Variants in HMGB1 observed in about 807,000 individuals in gnomAD.
The protein encoded by HMGB1 is high mobility group box 1, also known as high mobility group protein B1.
For missense variants in HMGB1, 79 were observed against 253.5 expected (o/e 0.31, Z 4.67); for synonymous variants, 81 against 84.0 (o/e 0.96, Z 0.19).
At chr13:30,463,185 T>G in intron 3 of HMGB1, 22 bp downstream of exon 3, 1 of 1,598,030 alleles carries the variant, frequency 6.3e-7, no homozygotes, top group South Asian at 1.1e-5. Context: ...GTCTGGGAAG[T>G]AAAAACAGGC....
At chr13:30,475,809 A>G (rs1004880906) in intron 1 of HMGB1, among the ~76,000 whole-genome samples, 1 of 152,196 alleles carries the variant, frequency 6.6e-6, no homozygotes, top group African/African-American at 2.4e-5. Flanking sequence ...TTGGGTTCAC[A>G]TTTCCACATG....
At chr13:30,500,666 T>C (rs548539297) in intron 1 of HMGB1, among the ~76,000 whole-genome samples, 10 of 151,762 alleles carry the variant, frequency 6.6e-5, no homozygotes, top group Non-Finnish European at 1.3e-4. Flanking sequence ...CTCAGCCTCC[T>C]GAGTAGCTGG....
chr13:30,579,365 T>C (rs1276196056), intron 1 of HMGB1, among the ~76,000 whole-genome samples: 4 of 152,226 alleles, frequency 2.6e-5, no homozygotes, highest in Admixed American at 2.0e-4. Flanking sequence ...ACCTGTATAT[T>C]GGACTGGAAT....
At chr13:30,475,223 C>G (rs1430937672) in intron 1 of HMGB1, among the ~76,000 whole-genome samples, 1 of 83,784 alleles carries the variant, frequency 1.2e-5, no homozygotes, top group Non-Finnish European at 2.4e-5. Flanking sequence ...CTCTCTCTCT[C>G]TCTTTTTTTT....
rs752347417 is a variant in HMGB1 at position 30,461,462 on chromosome 13, G to A, written c.543C>T (p.Ser181=). The change falls in exon 5 of 5, where the codon AGC becomes AGT. Residue 181 remains serine (S), a synonymous_variant. Transcript: ENST00000341423. ...CTTCCTCCTCTTCCTTCTTTTTCTT[G>A]CTTTTTTCAGCCTTGACAACTCCCT... is the stretch of plus-strand genomic sequence containing the variant. ...AKKGVVKAEK[S]KKKKEEEEDE... The A allele has an allele frequency of 1.9e-6, 3 of 1,546,688 alleles. No homozygotes were observed. The African/African-American group carries it at 4.2e-5, about 22-fold the overall frequency.
At chr13:30,523,723 A>G (rs1386730086) in intron 1 of HMGB1, among the ~76,000 whole-genome samples, 2 of 142,804 alleles carry the variant, frequency 1.4e-5, no homozygotes, top group African/African-American at 2.6e-5. Context: ...TTCATTTGGC[A>G]TTTGTTTTTG....
intron 1 of HMGB1, among the ~76,000 whole-genome samples, chr13:30,495,522 A>T (rs1253416911): frequency 7.0e-6 from 1 of 141,996 alleles, no homozygotes; most frequent in Non-Finnish European, 1.5e-5. Flanking sequence ...TCTGTCGCCC[A>T]GGCTGGAGTG....
chr13:30,568,141 G>T (rs138773467), intron 1 of HMGB1, among the ~76,000 whole-genome samples: 2 of 152,096 alleles, frequency 1.3e-5, no homozygotes, highest in African/African-American at 4.8e-5. Flanking sequence ...CTAGTGTGTA[G>T]TGGGCCAAAT....
intron 1 of HMGB1, among the ~76,000 whole-genome samples, chr13:30,538,501 T>TC (rs1491286839): frequency 5.3e-5 from 7 of 132,056 alleles, no homozygotes; most frequent in South Asian, 2.3e-4. Context: ...TTTCTTTCTT[T>TC]CTTTCTTTCC....
At chr13:30,499,881 C>CT (rs1887695860) in intron 1 of HMGB1, among the ~76,000 whole-genome samples, 1 of 152,214 alleles carries the variant, frequency 6.6e-6, no homozygotes, top group Admixed American at 6.5e-5. Flanking sequence ...TGAAGCCTGT[C>CT]TGTCAATCAT....
chr13:30,513,532 C>T lies in HMGB1; in HGVS notation c.-14-49838G>A, dbSNP rs142799115. Among the ~76,000 whole-genome samples, 244 of 152,338 alleles carry T rather than the reference C, an allele frequency of 1.6e-3. 1 individual carries two copies. Among genetic ancestry groups the T allele is most frequent in the African/African-American group, 5.7e-3 (238 of 41,578 alleles). Reference sequence around the variant, plus strand: ...TAAGGTAGTGGGAACTTAAATACAACAGTGCTGAAATCATTCCAGAGCACT... The same window carrying T: ...TAAGGTAGTGGGAACTTAAATACAATAGTGCTGAAATCATTCCAGAGCACT... On this transcript the variant is annotated intron_variant, in intron 1 of 4. Transcript: ENST00000405805.
chr13:30,594,277 T>C (rs1397028509), intron 1 of HMGB1, among the ~76,000 whole-genome samples: 2 of 152,238 alleles, frequency 1.3e-5, no homozygotes, highest in East Asian at 1.9e-4. Context: ...CTTGGGTATA[T>C]TGTGTGAAGC....
chr13:30,609,834 A>G (rs1167014920), intron 1 of HMGB1, among the ~76,000 whole-genome samples: 1 of 152,224 alleles, frequency 6.6e-6, no homozygotes, highest in Non-Finnish European at 1.5e-5. Flanking sequence ...AAGTGAGAAC[A>G]TACCATTTTT....
At chr13:30,465,985 T>C (rs528820914), upstream of HMGB1, 1 of 985,148 alleles carries the variant, frequency 1.0e-6, no homozygotes, top group South Asian at 4.7e-5. Flanking sequence ...CTCACGGGGC[T>C]CGCTCATTGG....
At chr13:30,537,981 A>G (rs1482126725) in intron 1 of HMGB1, among the ~76,000 whole-genome samples, 2 of 152,130 alleles carry the variant, frequency 1.3e-5, no homozygotes, top group Non-Finnish European at 2.9e-5. Flanking sequence ...ATACAGTTAT[A>G]CCCAAACTTT....
chr13:30,538,565 TC>T (rs1868626308), intron 1 of HMGB1, among the ~76,000 whole-genome samples: 7 of 105,714 alleles, frequency 6.6e-5, no homozygotes, highest in African/African-American at 2.6e-4. Flanking sequence ...TTTTCTTTCT[TC>T]TTTTTCTTTC....
intron 1 of HMGB1, among the ~76,000 whole-genome samples, chr13:30,544,300 G>A (rs924508082): frequency 6.6e-5 from 10 of 152,196 alleles, no homozygotes; most frequent in South Asian, 2.1e-4. Flanking sequence ...CCCTAGGAAC[G>A]GCCAGACCAA....
chr13:30,458,877 G>A lies in HMGB1; in HGVS notation c.*2480C>T, dbSNP rs370454972. 2.0e-5 allele frequency: 3 copies of A among 152,302 alleles called. No homozygotes were observed. The highest frequency in any genetic ancestry group is 7.2e-5 in the African/African-American group (3 of 41,558). 9.4% of individuals were successfully genotyped at this position (152,302 alleles called of 1,614,324 possible). A position where few individuals can be genotyped will look rare whatever the true frequency, so the allele number is the denominator to read the frequency against. On this transcript the variant is annotated 3_prime_UTR_variant, in exon 5 of 5. Transcript: ENST00000341423. ...CTGTGATGGGACGATCATCAGAACTGTGGTAACTAATCAGCAATAGCTCTC... is the reference window on the plus strand; with the variant it reads ...CTGTGATGGGACGATCATCAGAACTATGGTAACTAATCAGCAATAGCTCTC...
intron 1 of HMGB1, among the ~76,000 whole-genome samples, chr13:30,550,891 CA>C (rs1481190048): frequency 6.6e-5 from 10 of 152,102 alleles, no homozygotes; most frequent in Admixed American, 6.5e-4. Flanking sequence ...TGGTGGAAGA[CA>C]AAACTGATTC....
Sources: allele counts gnomAD v4.1 joint callset (sites outside exome capture counted in the v4.1 genomes callset), GRCh38; gene constraint gnomAD v4.1.1; transcripts MANE v1.5; gene names NCBI Gene and HGNC (gene_info 2026-07-23, HGNC 2026-07-21).